Variants in ZNF461 observed in about 807,000 individuals in gnomAD.
The protein encoded by ZNF461 is gonadotropin-inducible ovarian transcription factor-1.
A neutral mutation model predicts 18.3 loss-of-function variants in ZNF461; 16 were observed. That is an observed-to-expected ratio of 0.88 (90% CI 0.59 to 1.33). The LOEUF (loss-of-function observed/expected upper bound fraction) is 1.33. Ranked by LOEUF, ZNF461 falls within the 40% of genes most tolerant of loss-of-function variation. The pLI is 0.00. For synonymous variants in ZNF461, 179 were observed against 216.9 expected (o/e 0.83, Z 1.54); for missense variants, 595 against 669.9 (o/e 0.89, Z 1.23).
intron 4 of ZNF461, among the ~76,000 whole-genome samples, chr19:36,644,079 C>T (rs964544721): frequency 1.9e-4 from 28 of 151,008 alleles, no homozygotes; most frequent in African/African-American, 6.3e-4. Context: ...ATTACAGGCA[C>T]GTGCCACCAT....
intron 1 of ZNF461, among the ~76,000 whole-genome samples, chr19:36,665,708 C>CA (rs750223990): frequency 0.21 from 16,592 of 77,492 alleles, 2,319 homozygotes; most frequent in East Asian, 0.57. Flanking sequence ...AACTTCGTCT[C>CA]AAAAAAAAAA....
intron 4 of ZNF461, among the ~76,000 whole-genome samples, chr19:36,645,797 T>C (rs1371681175): frequency 6.6e-6 from 1 of 152,164 alleles, no homozygotes; most frequent in Non-Finnish European, 1.5e-5. Context: ...TTTTATTTAT[T>C]TTTTTGAGAT....
chr19:36,663,583 G>A lies in ZNF461; in HGVS notation c.9+1115C>T, dbSNP rs1019137364. Among the ~76,000 whole-genome samples the A allele has an allele frequency of 2.8e-5, 4 of 144,912 alleles. No homozygotes were observed. In the Admixed American group the frequency reaches 2.8e-4, roughly 10 times the overall value. The stretch of plus-strand genomic sequence containing the variant: ...CACCCAGGCTGGAGTGCAGTGGTGT[G>A]ATCATAGCTCACTGCAGCCGCAAAC... On this transcript the variant is annotated intron_variant, in intron 2 of 5. Coordinates refer to ENST00000588268, the MANE Select transcript of ZNF461 (RefSeq NM_153257.5).
At chr19:36,654,370 A>G (rs1005008860) in intron 4 of ZNF461, among the ~76,000 whole-genome samples, 1 of 151,894 alleles carries the variant, frequency 6.6e-6, no homozygotes, top group Admixed American at 6.6e-5. Flanking sequence ...GTAGCACTTG[A>G]TTGATTGATT....
At chr19:36,654,039 A>G (rs915029405) in intron 4 of ZNF461, among the ~76,000 whole-genome samples, 2 of 152,150 alleles carry the variant, frequency 1.3e-5, no homozygotes. Context: ...GTATTGTACT[A>G]TAGTTGGGTA....
intron 4 of ZNF461, among the ~76,000 whole-genome samples, chr19:36,644,599 G>T (rs1487406175): frequency 1.4e-5 from 2 of 145,614 alleles, no homozygotes; most frequent in Non-Finnish European, 3.0e-5. Context: ...GTTTTGTTTT[G>T]TTTTTGTTTT....
At chr19:36,646,063 G>A (rs182889254) in intron 4 of ZNF461, among the ~76,000 whole-genome samples, 4 of 152,118 alleles carry the variant, frequency 2.6e-5, no homozygotes, top group East Asian at 1.9e-4. Flanking sequence ...GATTACAGGC[G>A]TGAGCCACCG....
In ZNF461 at chr19:36,637,785, A is replaced by G. The variant is rs1201021745; in HGVS notation, c.*868T>C. Reference sequence around the variant, plus strand: ...TACTTTTGTCCAAAGAATTTATGAAATTTACATGAAATATTCCCGTTAGAA... The same window carrying G: ...TACTTTTGTCCAAAGAATTTATGAAGTTTACATGAAATATTCCCGTTAGAA... On this transcript the variant is annotated 3_prime_UTR_variant, in exon 6 of 6. Transcript: ENST00000588268. 4 of 414,512 alleles carry G rather than the reference A, an allele frequency of 9.6e-6. No individual in the cohort carries two copies. Among genetic ancestry groups the G allele is most frequent in the South Asian group, 1.8e-5 (1 of 55,216 alleles). The allele number at this position is 414,512 out of a possible 1,614,324, so 25.7% of individuals were successfully genotyped here.
rs1220965317 is a variant in ZNF461, at chr19:36,637,122, T to G, written c.*1531A>C. ...CCAAAAGTAACTTCCACTCACATTC[T>G]ATTCGCTAAATCCAATAAATTGCAT... On this transcript the variant is annotated 3_prime_UTR_variant, in exon 6 of 6. Transcript: ENST00000588268. 2 of 152,202 alleles carry G rather than the reference T, an allele frequency of 1.3e-5. No homozygotes were observed. The highest frequency in any genetic ancestry group is 4.8e-5 in the African/African-American group (2 of 41,460). The allele number at this position is 152,202 out of a possible 1,614,324, so 9.4% of individuals were successfully genotyped here. A position where few individuals can be genotyped will look rare whatever the true frequency, so the allele number is the denominator to read the frequency against.
chr19:36,650,674 ATTG>A (rs1217777786), intron 4 of ZNF461, among the ~76,000 whole-genome samples: 1 of 152,110 alleles, frequency 6.6e-6, no homozygotes, highest in African/African-American at 2.4e-5. Flanking sequence ...AAATGAGAAA[ATTG>A]TTAACTAAAT....
At chr19:36,647,236 T>C (rs1278345908) in intron 4 of ZNF461, among the ~76,000 whole-genome samples, 1 of 152,132 alleles carries the variant, frequency 6.6e-6, no homozygotes, top group African/African-American at 2.4e-5. Flanking sequence ...TAGTTGACAT[T>C]ATGCAACAAT....
chr19:36,661,131 A>T (rs1016475490), intron 2 of ZNF461, among the ~76,000 whole-genome samples: 1 of 152,088 alleles, frequency 6.6e-6, no homozygotes, highest in African/African-American at 2.4e-5. Flanking sequence ...TTAAAACATT[A>T]GCCAGGGGTG....
intron 4 of ZNF461, among the ~76,000 whole-genome samples, chr19:36,652,272 G>A (rs191786619): frequency 4.6e-5 from 7 of 151,552 alleles, no homozygotes; most frequent in East Asian, 1.9e-4. Context: ...CAGGCAGATC[G>A]CCTGAGGTCA....
Position 36,638,904 on chromosome 19 carries a change from G to A in ZNF461, c.1441C>T (p.His481Tyr), listed in dbSNP as rs61746529. ...CMICGKAFRL[H>Y]SHLIQHQRIH... ...CTTTGATGTTGAATAAGGTGTGAAT[G>A]AAGTCTAAAGGCCTTACCACATATC... Residue 481 changes from histidine (H) to tyrosine (Y), a missense_variant, in exon 6 of 6, where the codon CAT (histidine) becomes TAT (tyrosine). Coordinates refer to ENST00000588268, the MANE Select transcript of ZNF461 (RefSeq NM_153257.5). 0.052 allele frequency: 83,608 copies of A among 1,613,094 alleles called. 2,596 individuals are homozygous for A. The highest frequency in any genetic ancestry group is 0.061 in the Non-Finnish European group (72,359 of 1,179,786).
rs188549916 is a variant in ZNF461, at chr19:36,641,967, G to A, written c.301+1827C>T. ...CCAAGTCATGCTCTGTCACCCAGGC[G>A]AGAGTGAGCGCAGTGGTGCAATCAC... is the stretch of plus-strand genomic sequence containing the variant. On this transcript the variant is annotated intron_variant, in intron 5 of 5. Transcript: ENST00000588268. Among the ~76,000 whole-genome samples, 6 of 152,148 alleles carry A rather than the reference G, an allele frequency of 3.9e-5. No homozygotes were observed. In the East Asian group the frequency reaches 5.8e-4, roughly 15 times the overall value.
intron 4 of ZNF461, among the ~76,000 whole-genome samples, chr19:36,647,174 A>G (rs1416464310): frequency 6.6e-6 from 1 of 152,222 alleles, no homozygotes. Flanking sequence ...TCTGTTAGGT[A>G]TGCACATCAG....
intron 4 of ZNF461, among the ~76,000 whole-genome samples, chr19:36,644,666 G>T (rs373677517): frequency 1.3e-5 from 2 of 151,736 alleles, no homozygotes; most frequent in South Asian, 2.1e-4. Flanking sequence ...CGCAATCTCG[G>T]CTCACTGCGG....
chr19:36,664,835 G>A, intron 1 of ZNF461, 49 bp from the exon 2 acceptor site: 1 of 619,388 alleles, frequency 1.6e-6, no homozygotes, highest in Non-Finnish European at 2.6e-6. Flanking sequence ...TTGCCTCTAA[G>A]CTCCCAAAAT....
Position 36,639,548 on chromosome 19 carries a change from A to C in ZNF461, c.797T>G (p.Ile266Ser). 6.2e-7 allele frequency: 1 copy of C among 1,613,444 alleles called. No homozygotes were observed. Among genetic ancestry groups the C allele is most frequent in the Non-Finnish European group, 8.5e-7 (1 of 1,179,546 alleles). ...TTCATAGCGTTTTTCACCATTATGA[A>C]TTCTTAGATGTTTAAGTTGTGAGCA... is the stretch of plus-strand genomic sequence containing the variant. ...VHCSQLKHLRIHNGEKRYECN... is the reference protein window; with the variant it reads ...VHCSQLKHLRSHNGEKRYECN... Residue 266 changes from isoleucine to serine, a missense_variant, in exon 6 of 6, where the codon ATT (isoleucine) becomes AGT (serine). Transcript: ENST00000588268.
Sources: allele counts gnomAD v4.1 joint callset (sites outside exome capture counted in the v4.1 genomes callset), GRCh38; gene constraint gnomAD v4.1.1; transcripts MANE v1.5; gene names NCBI Gene and HGNC (gene_info 2026-07-23, HGNC 2026-07-21).